The following EHD2 variants were observed in gnomAD, a reference collection of about 807,000 sequenced individuals.
EHD2 encodes the protein EH domain-containing protein 2.
EHD2 carries 27 observed loss-of-function variants against 41.0 expected under a neutral mutation model. The ratio of observed to expected loss-of-function variants is 0.66; its 90% CI spans 0.49 to 0.91. EHD2 has a LOEUF of 0.91. EHD2 is among the 40% of genes least tolerant of loss of function. The probability of loss-of-function intolerance (pLI) is 0.00; values close to 1 mark genes in which losing one functional copy is unlikely to be tolerated. For missense variants in EHD2, 673 were observed against 773.9 expected, an observed-to-expected ratio of 0.87 and a Z score of 1.55; for synonymous variants, 342 against 341.0, an observed-to-expected ratio of 1.00 and a Z score of -0.03.
chr19:47,728,909 G>T (rs987868357), intron 4 of EHD2, among the ~76,000 whole-genome samples: 2 of 151,016 alleles, frequency 1.3e-5, no homozygotes, highest in Non-Finnish European at 3.0e-5. Context: ...TTTATCCCCA[G>T]TGCCCGGAAC....
At chr19:47,728,585 T>C (rs1973776732) in intron 4 of EHD2, among the ~76,000 whole-genome samples, 2 of 151,072 alleles carry the variant, frequency 1.3e-5, no homozygotes, top group South Asian at 4.2e-4. Flanking sequence ...TTTTTTTTTT[T>C]TGAGACAGGG....
At chr19:47,725,085 A>G (rs1035412252) in intron 3 of EHD2, among the ~76,000 whole-genome samples, 4 of 150,480 alleles carry the variant, frequency 2.7e-5, no homozygotes, top group South Asian at 2.1e-4. Context: ...TCGTGGGGAG[A>G]TACAACAGGT....
chr19:47,735,928 T>G (rs1476432340), intron 4 of EHD2, among the ~76,000 whole-genome samples: 16 of 146,214 alleles, frequency 1.1e-4, no homozygotes, highest in Admixed American at 2.7e-4. Context: ...CTGGGCACGG[T>G]GGCTCACACC....
chr19:47,714,456 C>T (rs1338644139), intron 1 of EHD2, among the ~76,000 whole-genome samples: 4 of 152,138 alleles, frequency 2.6e-5, no homozygotes, highest in Admixed American at 6.6e-5. Flanking sequence ...CAAATACCCA[C>T]ACCTGTGGCT....
chr19:47,729,161 C>G (rs1230229684), intron 4 of EHD2, among the ~76,000 whole-genome samples: 1 of 152,104 alleles, frequency 6.6e-6, no homozygotes, highest in East Asian at 1.9e-4. Flanking sequence ...ACCGATGACC[C>G]AGTGTGGTCA....
chr19:47,734,750 G>GA (rs918036307), intron 4 of EHD2, among the ~76,000 whole-genome samples: 8 of 143,466 alleles, frequency 5.6e-5, no homozygotes, highest in African/African-American at 1.8e-4. Flanking sequence ...CTTTCAAAAA[G>GA]AAAAAAAAAG....
At position 47,719,203 on chromosome 19, in the gene EHD2, G is replaced by C. The variant is rs1369148176; in HGVS notation, c.502+597G>C. 1.3e-5 allele frequency among the ~76,000 whole-genome samples: 2 copies of C among 152,082 alleles called. No individual in the cohort carries two copies. Among genetic ancestry groups the C allele is most frequent in the Admixed American group, 1.3e-4 (2 of 15,268 alleles). ...AGGATGGGAAGGGAGAGATGAAGAG[G>C]GACAGGGATTCCGAGGCAGTGAGAC... On this transcript the variant is annotated intron_variant, in intron 3 of 5. Transcript: ENST00000263277. The surrounding 1 kb of genome is among the most constrained non-coding windows in gnomAD (Gnocchi z 4.1).
intron 5 of EHD2, among the ~76,000 whole-genome samples, chr19:47,738,127 C>T (rs1274609194): frequency 6.6e-6 from 1 of 151,462 alleles, no homozygotes; most frequent in Non-Finnish European, 1.5e-5. Flanking sequence ...AGTGATCCTC[C>T]TGCCTTGGCC....
chr19:47,714,968 G>A (rs1973609698), intron 1 of EHD2, among the ~76,000 whole-genome samples: 1 of 151,842 alleles, frequency 6.6e-6, no homozygotes, highest in South Asian at 2.1e-4. Flanking sequence ...AGCCCCAGAG[G>A]TGAAGGCTGC....
rs1973669196 is a variant in EHD2 at position 47,719,219 on chromosome 19, G to A, written c.502+613G>A. On this transcript the variant is annotated intron_variant, in intron 3 of 5. Coordinates refer to ENST00000263277, the MANE Select transcript of EHD2 (RefSeq NM_014601.4). This position sits in a 1 kb window ranked among gnomAD's most constrained non-coding sequence, Gnocchi z 4.1. ...GATGAAGAGGGACAGGGATTCCGAGGCAGTGAGACAGCGACGCAGGGAGAC... is the reference window on the plus strand; with the variant it reads ...GATGAAGAGGGACAGGGATTCCGAGACAGTGAGACAGCGACGCAGGGAGAC... Among the ~76,000 whole-genome samples, 1 of 152,166 alleles carries A rather than the reference G, an allele frequency of 6.6e-6. No homozygotes were observed. Among genetic ancestry groups the A allele is most frequent in the Non-Finnish European group, 1.5e-5 (1 of 68,028 alleles).
At chr19:47,731,087 A>G (rs1019047836) in intron 4 of EHD2, among the ~76,000 whole-genome samples, 28 of 150,774 alleles carry the variant, frequency 1.9e-4, no homozygotes, top group Non-Finnish European at 8.9e-5. Context: ...CGGGTGGAAG[A>G]GCAGTCCATG....
Position 47,736,391 on chromosome 19 carries a change from A to C in EHD2, c.938A>C (p.Tyr313Ser), listed in dbSNP as rs565135733. 2.5e-6 allele frequency: 4 copies of C among 1,613,254 alleles called. No individual in the cohort carries two copies. The highest frequency in any genetic ancestry group is 3.4e-6 in the Non-Finnish European group (4 of 1,179,736). ...CAGGTTCACGCTTACATCATCAGCT[A>C]CCTGAAGAAGGAGATGCCCTCTGTG... ...LVRVHAYIIS[Y>S]LKKEMPSVFG... Residue 313 changes from tyrosine to serine, a missense_variant, in exon 5 of 6, where the codon TAC (tyrosine) becomes TCC (serine). Coordinates refer to ENST00000263277, the MANE Select transcript of EHD2 (RefSeq NM_014601.4).
rs1555794325 is a variant in EHD2 at position 47,740,441 on chromosome 19, AAAAACAAAAC to A, written c.1081-425_1081-416del. On this transcript the variant is annotated intron_variant, in intron 5 of 5. Transcript: ENST00000263277. Reference sequence around the variant, plus strand: ...GTGACAGAGCGAGACCCTGTCAAAAAAAAACAAAACAAAACAAAACAAAAATGGCTGGGCG... The same window carrying A: ...GTGACAGAGCGAGACCCTGTCAAAAAAAAACAAAACAAAAATGGCTGGGCG... Among the ~76,000 whole-genome samples, 226 of 151,800 alleles carry A rather than the reference AAAAACAAAAC, an allele frequency of 1.5e-3. 2 individuals are homozygous for A. Among genetic ancestry groups the A allele is most frequent in the Admixed American group, 4.4e-3 (67 of 15,232 alleles).
chr19:47,736,639 C>A, intron 5 of EHD2, 106 bp downstream of exon 5: 1 of 1,287,044 alleles, frequency 7.8e-7, no homozygotes, highest in Non-Finnish European at 1.0e-6. Context: ...ATGGCAGGTT[C>A]TGGAAAGCGC....
chr19:47,735,146 C>T (rs57955272), intron 4 of EHD2, among the ~76,000 whole-genome samples: 1 of 152,218 alleles, frequency 6.6e-6, no homozygotes, highest in African/African-American at 2.4e-5. Context: ...GAGATGGGCA[C>T]AGCTGAGGGC....
chr19:47,717,279 C>T (rs185077872), intron 2 of EHD2, among the ~76,000 whole-genome samples: 1 of 152,114 alleles, frequency 6.6e-6, no homozygotes, highest in African/African-American at 2.4e-5. Flanking sequence ...GAACTCCTGG[C>T]CTCAAGTGAT....
At chr19:47,734,138 G>A (rs1358575374) in intron 4 of EHD2, among the ~76,000 whole-genome samples, 1 of 152,152 alleles carries the variant, frequency 6.6e-6, no homozygotes, top group African/African-American at 2.4e-5. Context: ...GATGACGCTC[G>A]AATGGACATG....
intron 4 of EHD2, among the ~76,000 whole-genome samples, chr19:47,733,738 C>A (rs1599899878): frequency 1.9e-5 from 1 of 53,876 alleles, no homozygotes; most frequent in Non-Finnish European, 4.1e-5. Context: ...GGTGACAGAG[C>A]AAGACTCTGT....
At chr19:47,716,106 C>G (rs1056057446) in intron 1 of EHD2, among the ~76,000 whole-genome samples, 39 of 121,750 alleles carry the variant, frequency 3.2e-4, no homozygotes, top group Non-Finnish European at 5.9e-4. Context: ...GGGTCTTACT[C>G]TGTAGCCCAG....
Sources: gnomAD v4.1 joint callset for allele counts (sites outside exome capture counted in the v4.1 genomes callset) on GRCh38, gnomAD v4.1.1 for gene constraint, Gnocchi (gnomAD v3.1) non-coding constraint, MANE v1.5 for transcripts, NCBI Gene and HGNC (gene_info 2026-07-23, HGNC 2026-07-21) for gene names.